CDH7: variants seen among roughly 807,000 people sequenced by gnomAD.
The protein encoded by CDH7 is cadherin-7.
A neutral mutation model predicts 71.8 loss-of-function variants in CDH7; 25 were observed. The observed-to-expected ratio is 0.35, with a 90% CI of 0.25 to 0.49. The LOEUF is 0.49. Ranked by LOEUF, CDH7 falls within the 20% of genes least tolerant of loss-of-function variation. The probability of loss-of-function intolerance (pLI) is 0.99; values close to 1 mark genes in which losing one functional copy is unlikely to be tolerated. For synonymous variants in CDH7, 381 were observed against 363.8 expected, an observed-to-expected ratio of 1.05 and a Z score of -0.54; for missense variants, 862 against 974.6, an observed-to-expected ratio of 0.88 and a Z score of 1.54.
chr18:65,854,932 T>TATATATAGAC (rs67623413), intron 7 of CDH7, among the ~76,000 whole-genome samples: 1 of 148,774 alleles, frequency 6.7e-6, no homozygotes, highest in Non-Finnish European at 1.5e-5. Context: ...TATATATATA[T>TATATATAGAC]ACACACACAT....
chr18:65,838,216 G>A (rs940673788), intron 6 of CDH7, among the ~76,000 whole-genome samples: 1 of 152,004 alleles, frequency 6.6e-6, no homozygotes, highest in Non-Finnish European at 1.5e-5. Flanking sequence ...CACCATGCCC[G>A]ACCTAACATA....
At position 65,834,360 on chromosome 18, in the gene CDH7, T is replaced by C. The variant is rs1226738544; in HGVS notation, c.982-9452T>C. 2.0e-5 allele frequency among the ~76,000 whole-genome samples: 3 copies of C among 152,168 alleles called. No individual in the cohort carries two copies. In the South Asian group the frequency reaches 6.2e-4, roughly 32 times the overall value. ...GGAAAAGCTCTATAGTACATTCTTA[T>C]GTCTAGGAGTTATATGCACATGCAT... On this transcript the variant is annotated intron_variant, in intron 6 of 11. Coordinates refer to ENST00000397968, the MANE Select transcript of CDH7 (RefSeq NM_004361.5).
At chr18:65,802,424 C>T (rs932966669) in intron 2 of CDH7, among the ~76,000 whole-genome samples, 54 of 152,246 alleles carry the variant, frequency 3.5e-4, no homozygotes, top group Non-Finnish European at 6.0e-4. Context: ...CTGTTTTTAT[C>T]TTAATTCAGA....
intron 7 of CDH7, among the ~76,000 whole-genome samples, chr18:65,856,294 G>A (rs1913353398): frequency 1.3e-5 from 2 of 152,144 alleles, no homozygotes; most frequent in South Asian, 2.1e-4. Flanking sequence ...ATGGTTTGAT[G>A]TCACTAAATT....
At chr18:65,797,837 A>G (rs1414829365) in intron 2 of CDH7, among the ~76,000 whole-genome samples, 1 of 152,178 alleles carries the variant, frequency 6.6e-6, no homozygotes, top group African/African-American at 2.4e-5. Context: ...TTTCAAAATG[A>G]TAGTACAATG....
chr18:65,794,373 T>C (rs1910830005), intron 2 of CDH7, among the ~76,000 whole-genome samples: 1 of 152,088 alleles, frequency 6.6e-6, no homozygotes, highest in Admixed American at 6.5e-5. Flanking sequence ...GGATTAGAGA[T>C]GTTGAGTAGG....
chr18:65,800,493 T>G (rs1267215026), intron 2 of CDH7, among the ~76,000 whole-genome samples: 1 of 152,198 alleles, frequency 6.6e-6, no homozygotes, highest in Non-Finnish European at 1.5e-5. Context: ...CCTGGAGTGC[T>G]GGTTGAAAAT....
At chr18:65,875,076 A>G (rs868343618) in intron 11 of CDH7, among the ~76,000 whole-genome samples, 3 of 152,180 alleles carry the variant, frequency 2.0e-5, no homozygotes, top group East Asian at 3.9e-4. Flanking sequence ...TATTTTTGCA[A>G]TTTTTTTAGG....
chr18:65,876,952 G>A (rs1275121296), intron 11 of CDH7, among the ~76,000 whole-genome samples: 4 of 152,110 alleles, frequency 2.6e-5, no homozygotes, highest in Admixed American at 6.6e-5. Flanking sequence ...TTTCCACTCA[G>A]AAGTAGAGGT....
In CDH7 at chr18:65,863,019, T is replaced by G. The variant is rs1326603439; in HGVS notation, c.1864+102T>G. ...CCATTTGGTGAACATATGCAGATATTCTACTGGATGGTGTTTGTTTTGTTT... is the reference window on the plus strand; with the variant it reads ...CCATTTGGTGAACATATGCAGATATGCTACTGGATGGTGTTTGTTTTGTTT... On this transcript the variant is annotated intron_variant, in intron 11 of 11. Coordinates refer to ENST00000397968, the MANE Select transcript of CDH7 (RefSeq NM_004361.5). 3.9e-6 allele frequency: 5 copies of G among 1,267,404 alleles called. No individual in the cohort carries two copies. The African/African-American group carries it at 7.4e-5, about 19-fold the overall frequency. The allele number at this position is 1,267,404 out of a possible 1,614,324, so 78.5% of individuals were successfully genotyped here.
chr18:65,832,667 TA>T (rs1453340525), intron 6 of CDH7, among the ~76,000 whole-genome samples: 4 of 152,144 alleles, frequency 2.6e-5, no homozygotes, highest in Non-Finnish European at 4.4e-5. Flanking sequence ...TATAACCAGT[TA>T]AATAGGATTT....
chr18:65,874,958 A>G (rs1325510189), intron 11 of CDH7, among the ~76,000 whole-genome samples: 1 of 152,148 alleles, frequency 6.6e-6, no homozygotes, highest in Non-Finnish European at 1.5e-5. Flanking sequence ...CTACACATGC[A>G]TGTGGAGCAA....
intron 2 of CDH7, among the ~76,000 whole-genome samples, chr18:65,783,109 T>C (rs191980190): frequency 6.6e-6 from 1 of 152,306 alleles, no homozygotes; most frequent in East Asian, 1.9e-4. Flanking sequence ...TGACCACAGA[T>C]AAATACATTT....
At chr18:65,822,631 T>C (rs1017736686) in intron 5 of CDH7, among the ~76,000 whole-genome samples, 2 of 152,076 alleles carry the variant, frequency 1.3e-5, no homozygotes, top group African/African-American at 4.8e-5. Flanking sequence ...TTTTATTCAT[T>C]CTATGCACTA....
chr18:65,852,383 C>G (rs1265786381), intron 7 of CDH7, among the ~76,000 whole-genome samples: 1 of 152,132 alleles, frequency 6.6e-6, no homozygotes, highest in African/African-American at 2.4e-5. Context: ...AAGCTTAACA[C>G]TAATGACATA....
intron 11 of CDH7, among the ~76,000 whole-genome samples, chr18:65,871,508 T>A (rs962869778): frequency 6.6e-6 from 1 of 152,132 alleles, no homozygotes; most frequent in East Asian, 1.9e-4. Flanking sequence ...TTGAGGCATA[T>A]TCTTGGTTAC....
chr18:65,855,706 G>A (rs773712305), intron 7 of CDH7, among the ~76,000 whole-genome samples: 3 of 152,056 alleles, frequency 2.0e-5, no homozygotes, highest in Non-Finnish European at 4.4e-5. Flanking sequence ...GTATTGTTCA[G>A]GAAATATGAG....
chr18:65,784,902 T>TA (rs1163576171), intron 2 of CDH7, among the ~76,000 whole-genome samples: 1 of 152,212 alleles, frequency 6.6e-6, no homozygotes, highest in East Asian at 1.9e-4. Flanking sequence ...ATTTATGTGT[T>TA]ACATTATACT....
At chr18:65,878,802 C>T (rs545274800) in intron 11 of CDH7, among the ~76,000 whole-genome samples, 1 of 152,170 alleles carries the variant, frequency 6.6e-6, no homozygotes, top group African/African-American at 2.4e-5. Context: ...GATATCTGTG[C>T]CAATGCAGCA....
Sources: gnomAD v4.1 joint callset for allele counts (sites outside exome capture counted in the v4.1 genomes callset) on GRCh38, gnomAD v4.1.1 for gene constraint, MANE v1.5 for transcripts, NCBI Gene and HGNC (gene_info 2026-07-23, HGNC 2026-07-21) for gene names.